The following PVR variants were observed in gnomAD, a reference collection of about 807,000 sequenced individuals.
PVR encodes the protein PVR cell adhesion molecule.
PVR carries 39 observed loss-of-function variants against 43.3 expected under a neutral mutation model. The ratio of observed to expected loss-of-function variants is 0.90; its 90% CI spans 0.70 to 1.18. The LOEUF is 1.18. Among genes scored for constraint, PVR ranks in the 50% most tolerant of loss-of-function variants. PVR has a pLI of 0.00. For missense variants in PVR, 480 were observed against 549.7 expected, an observed-to-expected ratio of 0.87 and a Z score of 1.27; for synonymous variants, 224 against 233.2, an observed-to-expected ratio of 0.96 and a Z score of 0.36.
intron 3 of PVR, 114 bp downstream of exon 3, chr19:44,650,219 C>T (rs186043753): frequency 2.8e-6 from 3 of 1,052,800 alleles, no homozygotes; most frequent in East Asian, 2.8e-5. Flanking sequence ...GCACCGGCTC[C>T]CCTGACTCCT....
chr19:44,655,096 CT>C (rs904381901), intron 4 of PVR, among the ~76,000 whole-genome samples: 2 of 151,196 alleles, frequency 1.3e-5, no homozygotes, highest in African/African-American at 4.9e-5. Flanking sequence ...CTGAACCGCC[CT>C]TTTTTTTTAA....
intron 3 of PVR, among the ~76,000 whole-genome samples, chr19:44,651,401 C>G (rs1033748048): frequency 1.3e-5 from 2 of 152,218 alleles, no homozygotes; most frequent in African/African-American, 2.4e-5. Flanking sequence ...ACTGTCTACA[C>G]TGACTCCCTG....
At position 44,661,884 on chromosome 19, in the gene PVR, C is replaced by G. The variant is rs1973601900; in HGVS notation, c.*73C>G. On this transcript the variant is annotated 3_prime_UTR_variant, in exon 8 of 8. Transcript: ENST00000425690. The stretch of plus-strand genomic sequence containing the variant: ...GGGCCTCCAGAGTTGGACCCGACCC[C>G]AATGGATGAAGACCCCCTCCAAAGA... The G allele has an allele frequency of 2.2e-6, 3 of 1,390,472 alleles. No homozygotes were observed. In the South Asian group the frequency reaches 3.5e-5, roughly 16 times the overall value. The allele number at this position is 1,390,472 out of a possible 1,614,324, so 86.1% of individuals were successfully genotyped here. A position where few individuals can be genotyped will look rare whatever the true frequency, so the allele number is the denominator to read the frequency against.
At chr19:44,655,951 C>T (rs929774513) in intron 4 of PVR, among the ~76,000 whole-genome samples, 1 of 149,508 alleles carries the variant, frequency 6.7e-6, no homozygotes, top group Non-Finnish European at 1.5e-5. Flanking sequence ...CTCACTGCAG[C>T]CTTGAATTCC....
At chr19:44,647,738 G>A (rs1362791584) in intron 2 of PVR, among the ~76,000 whole-genome samples, 168 bp downstream of exon 2, 3 of 141,068 alleles carry the variant, frequency 2.1e-5, no homozygotes, top group African/African-American at 7.7e-5. Context: ...TGGGGTGGGG[G>A]GAGGTGAGTG....
intron 1 of PVR, among the ~76,000 whole-genome samples, chr19:44,646,695 C>T (rs1973123301): frequency 6.6e-6 from 1 of 152,116 alleles, no homozygotes; most frequent in African/African-American, 2.4e-5. Context: ...CCGCTTGAAC[C>T]CCAGAGGCAG....
At chr19:44,645,006 AAATATATAATATATATTATAGT>A (rs1160144582) in intron 1 of PVR, among the ~76,000 whole-genome samples, 3 of 115,390 alleles carry the variant, frequency 2.6e-5, no homozygotes, top group Non-Finnish European at 5.1e-5. Flanking sequence ...TATATAATAA[AAATATATAATATATATTATAGT>A]AATATATAAT....
At chr19:44,648,710 A>G (rs948301528) in intron 2 of PVR, among the ~76,000 whole-genome samples, 1 of 151,974 alleles carries the variant, frequency 6.6e-6, no homozygotes, top group African/African-American at 2.4e-5. Flanking sequence ...GCCAAGAACT[A>G]TTCCAAGCCT....
At chr19:44,645,673 G>C (rs757047515) in intron 1 of PVR, among the ~76,000 whole-genome samples, 32 of 151,712 alleles carry the variant, frequency 2.1e-4, no homozygotes, top group Non-Finnish European at 3.7e-4. Flanking sequence ...TGCCCAGGCT[G>C]GTTGCAGCCA....
In PVR at chr19:44,644,038, G is replaced by T; in HGVS notation, c.-59G>T. The T allele has an allele frequency of 7.0e-7, 1 of 1,423,040 alleles. No individual in the cohort carries two copies. The highest frequency in any genetic ancestry group is 9.4e-7 in the Non-Finnish European group (1 of 1,069,092). The allele number at this position is 1,423,040 out of a possible 1,614,324, so 88.2% of individuals were successfully genotyped here. A position where few individuals can be genotyped will look rare whatever the true frequency, so the allele number is the denominator to read the frequency against. ...ACTCGCAGCGACCGCGGCAGAGCGA[G>T]CGGGCGCCGGGAAGCGAGGAGACGC... On this transcript the variant is annotated 5_prime_UTR_variant, in exon 1 of 8. Transcript: ENST00000425690.
At position 44,664,427 on chromosome 19, in the gene PVR, G is replaced by T. The variant is rs1973660089; in HGVS notation, c.*2616G>T. 6.6e-6 allele frequency: 1 copy of T among 152,200 alleles called. No homozygotes were observed. The highest frequency in any genetic ancestry group is 1.5e-5 in the Non-Finnish European group (1 of 68,042). 9.4% of individuals were successfully genotyped at this position (152,200 alleles called of 1,614,324 possible). ...GGCATCTCGCTATGTTGCCTAGGCTGGGCTGGAACTCCTGGGCTCAAGTGC... is the reference window on the plus strand; with the variant it reads ...GGCATCTCGCTATGTTGCCTAGGCTTGGCTGGAACTCCTGGGCTCAAGTGC... On this transcript the variant is annotated 3_prime_UTR_variant, in exon 8 of 8. Coordinates refer to ENST00000425690, the MANE Select transcript of PVR (RefSeq NM_006505.5).
chr19:44,646,977 CG>C (rs1434995712), intron 1 of PVR, among the ~76,000 whole-genome samples: 1 of 152,278 alleles, frequency 6.6e-6, no homozygotes, highest in East Asian at 1.9e-4. Context: ...AGAAGAAATA[CG>C]GTAATAAATA....
At chr19:44,649,265 G>A (rs970229520) in intron 2 of PVR, among the ~76,000 whole-genome samples, 10 of 152,000 alleles carry the variant, frequency 6.6e-5, no homozygotes, top group African/African-American at 2.2e-4. Context: ...TTTATTGAGC[G>A]CTTATTATAT....
At chr19:44,653,801 A>G (rs1250274215) in intron 3 of PVR, 99 bp from the exon 4 acceptor site, 4 of 814,008 alleles carry the variant, frequency 4.9e-6, no homozygotes, top group Non-Finnish European at 8.4e-6. Context: ...CTGTTTTCCA[A>G]ATATCCCCGG....
chr19:44,656,197 C>T (rs1973440627), intron 4 of PVR, among the ~76,000 whole-genome samples: 1 of 152,184 alleles, frequency 6.6e-6, no homozygotes, highest in Non-Finnish European at 1.5e-5. Flanking sequence ...GGGATTCCAA[C>T]ATATGTGGAT....
chr19:44,648,208 G>A (rs999760169), intron 2 of PVR, among the ~76,000 whole-genome samples: 7 of 152,160 alleles, frequency 4.6e-5, no homozygotes, highest in Non-Finnish European at 1.0e-4. Context: ...ACTTGCCCAA[G>A]ACCAAAGCTG....
Position 44,665,606 on chromosome 19 carries a change from C to T in PVR, c.*3795C>T, listed in dbSNP as rs1441534682. On this transcript the variant is annotated 3_prime_UTR_variant, in exon 8 of 8. Transcript: ENST00000425690. ...CCATGATCGAGTTACTGCACTCCAG[C>T]CTGGGTGACAAGAGTGAGACTCTGT... is the stretch of plus-strand genomic sequence containing the variant. 6.9e-6 allele frequency: 1 copy of T among 145,064 alleles called. No homozygotes were observed. Among genetic ancestry groups the T allele is most frequent in the African/African-American group, 2.7e-5 (1 of 37,638 alleles). The allele number at this position is 145,064 out of a possible 1,614,324, so 9.0% of individuals were successfully genotyped here. A position where few individuals can be genotyped will look rare whatever the true frequency, so the allele number is the denominator to read the frequency against.
In PVR at chr19:44,653,803, T is replaced by C. The variant is rs1599766950; in HGVS notation, c.725-97T>C. 7.3e-6 allele frequency: 6 copies of C among 818,530 alleles called. No homozygotes were observed. The East Asian group carries it at 1.5e-4, about 20-fold the overall frequency. 50.7% of individuals were successfully genotyped at this position (818,530 alleles called of 1,614,324 possible). A position where few individuals can be genotyped will look rare whatever the true frequency, so the allele number is the denominator to read the frequency against. On this transcript the variant is annotated intron_variant, in intron 3 of 7. Transcript: ENST00000425690. ...TCTCCAGCTCCCGCTGTTTTCCAAATATCCCCGGGCCTTTTCCTGCAGTGT... is the reference window on the plus strand; with the variant it reads ...TCTCCAGCTCCCGCTGTTTTCCAAACATCCCCGGGCCTTTTCCTGCAGTGT...
Position 44,658,842 on chromosome 19 carries a change from T to C in PVR, c.1092T>C (p.Tyr364=), listed in dbSNP as rs150802516. 9.9e-5 allele frequency: 159 copies of C among 1,614,184 alleles called. No homozygotes were observed. The African/African-American group carries it at 2.0e-3, about 20-fold the overall frequency. Residue 364 remains tyrosine, a synonymous_variant, in exon 6 of 8, where the codon TAT becomes TAC. Transcript: ENST00000425690. ...VFLILLGIGI[Y]FYWSKCSREV... ...TGATCCTGCTGGGGATCGGGATTTATTTCTATTGGTCCAAATGTTCCCGTG... is the reference window on the plus strand; with the variant it reads ...TGATCCTGCTGGGGATCGGGATTTACTTCTATTGGTCCAAATGTTCCCGTG...
Sources: allele counts gnomAD v4.1 joint callset (sites outside exome capture counted in the v4.1 genomes callset), GRCh38; gene constraint gnomAD v4.1.1; transcripts MANE v1.5; gene names NCBI Gene and HGNC (gene_info 2026-07-23, HGNC 2026-07-21).